Variants in ABCB11 observed in about 807,000 individuals in gnomAD.
The protein encoded by ABCB11 is bile salt export pump.
ABCB11 carries 95 observed loss-of-function variants against 148.0 expected under a neutral mutation model. The observed-to-expected ratio is 0.64, with a 90% CI of 0.54 to 0.76. The LOEUF (loss-of-function observed/expected upper bound fraction) is 0.76. ABCB11 is among the 30% of genes least tolerant of loss of function. The pLI is 0.00. For missense variants in ABCB11, 1,523 were observed against 1,617.8 expected, an observed-to-expected ratio of 0.94 and a Z score of 1.01; for synonymous variants, 591 against 555.4, an observed-to-expected ratio of 1.06 and a Z score of -0.90.
chr2:169,014,670 C>T (rs1573980447), intron 3 of ABCB11, among the ~76,000 whole-genome samples: 1 of 152,204 alleles, frequency 6.6e-6, no homozygotes, highest in Non-Finnish European at 1.5e-5. Flanking sequence ...TCAGTCATGA[C>T]CCTCAATCTA....
At chr2:168,964,180 C>A (rs945454233) in intron 18 of ABCB11, 26 bp downstream of exon 18, 4 of 1,507,838 alleles carry the variant, frequency 2.7e-6, no homozygotes, top group South Asian at 1.2e-5. Flanking sequence ...TCTTCCATTC[C>A]CCCCCATAAG....
chr2:168,944,758 G>A lies in ABCB11; in HGVS notation c.2457C>T (p.Ala819=). Residue 819 remains alanine (A), a synonymous_variant, in exon 21 of 28, where the codon GCC becomes GCT. Transcript: ENST00000650372. ...TTAGGAGCTCCCCAGATTTAGCAAA[G>A]GCATATCCCTAAAACATGAAGAGGG... The part of the protein sequence containing the change: ...SLFTQFLQGY[A]FAKSGELLTK... 1 of 1,612,450 alleles carries A rather than the reference G, an allele frequency of 6.2e-7. No homozygotes were observed. Among genetic ancestry groups the A allele is most frequent in the Non-Finnish European group, 8.5e-7 (1 of 1,179,042 alleles).
intron 19 of ABCB11, among the ~76,000 whole-genome samples, chr2:168,946,856 G>T (rs913328324): frequency 1.3e-5 from 2 of 151,330 alleles, no homozygotes; most frequent in African/African-American, 4.9e-5. Context: ...TTAGCTTTTT[G>T]TATTACTTAC....
At chr2:168,991,771 A>C (rs1694531508) in intron 8 of ABCB11, among the ~76,000 whole-genome samples, 1 of 151,814 alleles carries the variant, frequency 6.6e-6, no homozygotes, top group Non-Finnish European at 1.5e-5. Flanking sequence ...ACAATATATT[A>C]ATTTCATCAG....
At chr2:168,919,231 C>A (rs1691006648), downstream of ABCB11, among the ~76,000 whole-genome samples, 1 of 152,134 alleles carries the variant, frequency 6.6e-6, no homozygotes. Flanking sequence ...AAATAACATT[C>A]TCAGATGAGT....
At chr2:169,015,924 G>A (rs1354054135) in intron 3 of ABCB11, among the ~76,000 whole-genome samples, 1 of 152,064 alleles carries the variant, frequency 6.6e-6, no homozygotes, top group Non-Finnish European at 1.5e-5. Flanking sequence ...ATGAATTAAT[G>A]GAGTGAATGT....
At chr2:168,998,458 C>A (rs1694781486) in intron 5 of ABCB11, among the ~76,000 whole-genome samples, 1 of 152,042 alleles carries the variant, frequency 6.6e-6, no homozygotes, top group South Asian at 2.1e-4. Context: ...TGAATGTCCT[C>A]ACCACAACGA....
chr2:168,970,178 A>G lies in ABCB11; in HGVS notation c.1676T>C (p.Met559Thr). ...TACCCTTTGTTTCTGGCCACCACTC[A>G]TCTGGCCTCCTCCTTCTCCAACAAG... ...DTLVGEGGGQ[M>T]SGGQKQRVAI... Residue 559 changes from methionine (M) to threonine (T), a missense_variant, in exon 15 of 28, where the codon ATG becomes ACG. Met to Thr is a moderately conservative substitution (Grantham distance 81, BLOSUM62 -1). Transcript: ENST00000650372. The G allele has an allele frequency of 6.2e-7, 1 of 1,612,538 alleles. No homozygotes were observed. The highest frequency in any genetic ancestry group is 8.5e-7 in the Non-Finnish European group (1 of 1,179,120).
chr2:168,973,902 G>A, intron 12 of ABCB11, 62 bp from the exon 13 acceptor site: 1 of 1,578,144 alleles, frequency 6.3e-7, no homozygotes, highest in Non-Finnish European at 8.7e-7. Flanking sequence ...AAACAATTAG[G>A]CTACAGGTGC....
chr2:168,996,643 A>G lies in ABCB11; in HGVS notation c.469T>C (p.Tyr157His). The stretch of plus-strand genomic sequence containing the variant: ...ACGGAGGAGCTACTAACTTGAATAT[A>G]TCCTGTGATAAGTACTGCGACAGCA... The part of the protein sequence containing the change: ...GIAVAVLITG[Y>H]IQICFWVIAA... The change falls in exon 6 of 28, where the codon TAT becomes CAT. Residue 157 changes from tyrosine (Y) to histidine (H), a missense_variant. Transcript: ENST00000650372. The G allele has an allele frequency of 1.3e-6, 2 of 1,527,420 alleles. No individual in the cohort carries two copies. Among genetic ancestry groups the G allele is most frequent in the South Asian group, 1.3e-5 (1 of 78,130 alleles). The allele number at this position is 1,527,420 out of a possible 1,614,324, so 94.6% of individuals were successfully genotyped here. A position where few individuals can be genotyped will look rare whatever the true frequency, so the allele number is the denominator to read the frequency against.
At chr2:168,939,767 A>C (rs1200600225) in intron 21 of ABCB11, among the ~76,000 whole-genome samples, 1 of 152,100 alleles carries the variant, frequency 6.6e-6, no homozygotes, top group Non-Finnish European at 1.5e-5. Context: ...GGTTTGTGGC[A>C]ACCCTGTATA....
At chr2:168,924,530 C>A (rs1300679278) in intron 27 of ABCB11, 127 bp downstream of exon 27, 17 of 863,382 alleles carry the variant, frequency 2.0e-5, no homozygotes, top group Non-Finnish European at 2.9e-5. Context: ...TTTGGTTCCA[C>A]AAAGTATTGC....
At chr2:168,977,302 A>C (rs1693952191) in intron 11 of ABCB11, among the ~76,000 whole-genome samples, 1 of 152,148 alleles carries the variant, frequency 6.6e-6, no homozygotes, top group Non-Finnish European at 1.5e-5. Flanking sequence ...GAGGAATTGC[A>C]GAAAGATTAA....
At chr2:168,988,912 C>A (rs961812942) in intron 9 of ABCB11, among the ~76,000 whole-genome samples, 1 of 151,838 alleles carries the variant, frequency 6.6e-6, no homozygotes, top group Non-Finnish European at 1.5e-5. Flanking sequence ...TCTTTTTGTA[C>A]GTTTCTATTT....
chr2:168,944,533 G>C, intron 21 of ABCB11, 72 bp downstream of exon 21: 1 of 1,467,358 alleles, frequency 6.8e-7, no homozygotes, highest in Non-Finnish European at 9.1e-7. Context: ...ACATGCAGGT[G>C]ATTGTCAGAA....
chr2:168,984,400 GTCTGGCACA>G (rs1249899803), intron 10 of ABCB11, among the ~76,000 whole-genome samples: 1 of 152,134 alleles, frequency 6.6e-6, no homozygotes, highest in East Asian at 1.9e-4. Context: ...TTTTCTAAGT[GTCTGGCACA>G]TAGTAGATGC....
At chr2:168,966,344 T>C (rs1459212391) in intron 17 of ABCB11, among the ~76,000 whole-genome samples, 1 of 151,916 alleles carries the variant, frequency 6.6e-6, no homozygotes, top group African/African-American at 2.4e-5. Flanking sequence ...CCTATGTCCT[T>C]GGCCCCTTGG....
At position 168,932,380 on chromosome 2, in the gene ABCB11, T is replaced by C; in HGVS notation, c.3210A>G (p.Lys1070=). The change falls in exon 24 of 28, where the codon AAA becomes AAG. Residue 1070 remains lysine (K), a synonymous_variant. Transcript: ENST00000650372. ...PISVYNTAGE[K]WDNFQGKIDF... Reference sequence around the variant, plus strand: ...TGCATAGTATTCCAACACTTACCCATTTTTCACCTGCAGTATTGTATACAC... The same window carrying C: ...TGCATAGTATTCCAACACTTACCCACTTTTCACCTGCAGTATTGTATACAC... 1 of 1,555,104 alleles carries C rather than the reference T, an allele frequency of 6.4e-7. No homozygotes were observed. Among genetic ancestry groups the C allele is most frequent in the Non-Finnish European group, 8.7e-7 (1 of 1,148,462 alleles).
At chr2:169,016,653 G>A in intron 3 of ABCB11, 125 bp downstream of exon 3, 1 of 769,596 alleles carries the variant, frequency 1.3e-6, no homozygotes, top group Non-Finnish European at 2.1e-6. Flanking sequence ...AAAAAGAATG[G>A]ATTGTATATA....
Sources: allele counts gnomAD v4.1 joint callset (sites outside exome capture counted in the v4.1 genomes callset), GRCh38; gene constraint gnomAD v4.1.1; transcripts MANE v1.5; gene names NCBI Gene and HGNC (gene_info 2026-07-23, HGNC 2026-07-21).